Variants in MARK4 observed in about 807,000 individuals in gnomAD.
The protein encoded by MARK4 is microtubule affinity regulating kinase 4.
MARK4 carries 19 observed loss-of-function variants against 81.5 expected under a neutral mutation model. The observed-to-expected ratio is 0.23, with a 90% CI of 0.16 to 0.34. MARK4 has a LOEUF of 0.34. MARK4 is among the 10% of genes least tolerant of loss of function. The pLI is 1.00. For synonymous variants in MARK4, 436 were observed against 439.0 expected, an observed-to-expected ratio of 0.99 and a Z score of 0.08; for missense variants, 772 against 1,058.8, an observed-to-expected ratio of 0.73 and a Z score of 3.76.
intron 7 of MARK4, among the ~76,000 whole-genome samples, chr19:45,269,294 G>A (rs556279442): frequency 2.0e-5 from 3 of 152,208 alleles, no homozygotes; most frequent in African/African-American, 7.2e-5. Context: ...CTGGAGAATC[G>A]CTTGAACCCA....
rs778910750 is a variant in MARK4 at position 45,271,995 on chromosome 19, T to C, written c.786+287T>C. Among the ~76,000 whole-genome samples the C allele has an allele frequency of 1.1e-4, 17 of 152,192 alleles. No homozygotes were observed. Among genetic ancestry groups the C allele is most frequent in the Non-Finnish European group, 1.9e-4 (13 of 68,042 alleles). ...TATGGCCCACTTCTCTGTGTCAGGC[T>C]CTGTTTTGGGCTTTGCATGTAAGGC... On this transcript the variant is annotated intron_variant, in intron 8 of 16. Transcript: ENST00000262891. The surrounding 1 kb of genome is among the most constrained non-coding windows in gnomAD (Gnocchi z 4.1).
rs769036242 is a variant in MARK4 at position 45,280,584 on chromosome 19, G to A, written c.1126G>A (p.Asp376Asn). ...LLGRKTEEGG[D>N]RGAPGLALAR... ...TGTCATCCTCTCGCAGGAGGGTGGG[G>A]ACCGGGGCGCCCCAGGGCTGGCCCT... Residue 376 changes from aspartate (D) to asparagine (N), a missense_variant, in exon 12 of 17, where the codon GAC becomes AAC. Asp to Asn is a conservative substitution (Grantham distance 23). Around this residue, in one of 3 missense-constraint regions of MARK4, gnomAD observed 548 missense variants for 624.3 expected, o/e 0.88. Coordinates refer to ENST00000262891, the MANE Select transcript of MARK4 (RefSeq NM_001199867.2). 4.3e-6 allele frequency: 7 copies of A among 1,613,654 alleles called. No homozygotes were observed. The African/African-American group carries it at 9.3e-5, about 22-fold the overall frequency.
intron 4 of MARK4, among the ~76,000 whole-genome samples, chr19:45,263,601 G>C (rs950234794): frequency 2.0e-5 from 3 of 152,062 alleles, no homozygotes; most frequent in African/African-American, 7.2e-5. Context: ...AATTAGCAGG[G>C]CATGGTGGCG....
chr19:45,265,855 G>A (rs1368263422), intron 6 of MARK4, among the ~76,000 whole-genome samples: 1 of 151,958 alleles, frequency 6.6e-6, no homozygotes, highest in African/African-American at 2.4e-5. Flanking sequence ...ATGTGCAGGT[G>A]TGAGGGTGTT....
Position 45,294,340 on chromosome 19 carries a change from C to G in MARK4, c.1495-9C>G. On this transcript the variant is annotated splice_polypyrimidine_tract_variant and intron_variant, in intron 13 of 16. Coordinates refer to ENST00000262891, the MANE Select transcript of MARK4 (RefSeq NM_001199867.2). ...CCCCTCACTCCCTTCCTGGCTGTGT[C>G]TCCTGCAGAACAACCTCCCTCCTAG... The G allele has an allele frequency of 3.7e-6, 6 of 1,613,732 alleles. No homozygotes were observed. Among genetic ancestry groups the G allele is most frequent in the Non-Finnish European group, 5.1e-6 (6 of 1,179,718 alleles).
At chr19:45,283,689 G>A (rs1970706965) in intron 12 of MARK4, among the ~76,000 whole-genome samples, 1 of 152,168 alleles carries the variant, frequency 6.6e-6, no homozygotes, top group African/African-American at 2.4e-5. Context: ...TGAACACGTG[G>A]ATTGCCTCCA....
At chr19:45,278,135 A>G in intron 9 of MARK4, 93 bp downstream of exon 9, 1 of 1,541,620 alleles carries the variant, frequency 6.5e-7, no homozygotes, top group Non-Finnish European at 8.8e-7. Context: ...TTCTTGACAC[A>G]CTTTTCCTCT....
chr19:45,283,409 CAAAAAAAAAAAAA>C (rs869039919), intron 12 of MARK4, among the ~76,000 whole-genome samples: 79 of 86,412 alleles, frequency 9.1e-4, no homozygotes, highest in African/African-American at 2.7e-3. Context: ...GACTTCCTCT[CAAAAAAAAAAAAA>C]AAAAAAAAAA....
At chr19:45,272,524 G>A (rs55800009) in intron 8 of MARK4, among the ~76,000 whole-genome samples, 3,395 of 152,228 alleles carry the variant, frequency 0.022, 56 homozygotes, top group Non-Finnish European at 0.035. Context: ...AGGCTGGGGG[G>A]GAGGAGCAAG....
chr19:45,287,897 C>T (rs1421652962), intron 13 of MARK4: 1 of 594,844 alleles, frequency 1.7e-6, no homozygotes, highest in Non-Finnish European at 3.0e-6. Flanking sequence ...AAGTGCAGAA[C>T]GTACTCTTGG....
chr19:45,263,105 C>A lies in MARK4; in HGVS notation c.253-8C>A. ...TTGACCGTCCCTCCTCCTTTCCTCC[C>A]CCTCTAGGTTGCCATCAAGATTATC... is the stretch of plus-strand genomic sequence containing the variant. On this transcript the variant is annotated splice_polypyrimidine_tract_variant and splice_region_variant and intron_variant, in intron 2 of 16. Coordinates refer to ENST00000262891, the MANE Select transcript of MARK4 (RefSeq NM_001199867.2). 6.2e-7 allele frequency: 1 copy of A among 1,602,298 alleles called. No homozygotes were observed. Among genetic ancestry groups the A allele is most frequent in the East Asian group, 2.2e-5 (1 of 44,446 alleles).
Position 45,264,760 on chromosome 19 carries a change from C to T in MARK4, c.421+11C>T. The T allele has an allele frequency of 1.9e-6, 3 of 1,614,042 alleles. No homozygotes were observed. The highest frequency in any genetic ancestry group is 1.1e-5 in the South Asian group (1 of 91,080). The stretch of plus-strand genomic sequence containing the variant: ...AGTACGCAAGTGCTGGTGAGCCGCC[C>T]ACCCTCTCCGCCCTGCCCCTGTGCC... On this transcript the variant is annotated intron_variant, in intron 5 of 16. Coordinates refer to ENST00000262891, the MANE Select transcript of MARK4 (RefSeq NM_001199867.2).
intron 1 of MARK4, among the ~76,000 whole-genome samples, chr19:45,257,471 C>A (rs1024714212): frequency 3.4e-5 from 5 of 149,182 alleles, no homozygotes; most frequent in Non-Finnish European, 7.4e-5. Flanking sequence ...GCAACCTCTG[C>A]CTCCCTGGTT....
chr19:45,271,770 C>T lies in MARK4; in HGVS notation c.786+62C>T, dbSNP rs533018098. Reference sequence around the variant, plus strand: ...TCCCCACAGTCAGGCCCCTATCCCCCCCACACCTCCCCTGCAGAGGGCCTC... The same window carrying T: ...TCCCCACAGTCAGGCCCCTATCCCCTCCACACCTCCCCTGCAGAGGGCCTC... On this transcript the variant is annotated intron_variant, in intron 8 of 16. Coordinates refer to ENST00000262891, the MANE Select transcript of MARK4 (RefSeq NM_001199867.2). This position sits in a 1 kb window ranked among gnomAD's most constrained non-coding sequence, Gnocchi z 4.1. 1.7e-4 allele frequency: 240 copies of T among 1,449,888 alleles called. No individual in the cohort carries two copies. The highest frequency in any genetic ancestry group is 4.0e-4 in the Admixed American group (21 of 52,648). 89.8% of individuals were successfully genotyped at this position (1,449,888 alleles called of 1,614,324 possible). A position where few individuals can be genotyped will look rare whatever the true frequency, so the allele number is the denominator to read the frequency against.
intron 4 of MARK4, among the ~76,000 whole-genome samples, chr19:45,264,307 G>T (rs1970421036): frequency 6.6e-6 from 1 of 151,992 alleles, no homozygotes; most frequent in African/African-American, 2.4e-5. Flanking sequence ...TTGGAGATCA[G>T]CATGACCAAC....
Position 45,304,182 on chromosome 19 carries a change from G to A in MARK4, c.*1472G>A, listed in dbSNP as rs1971018570. The A allele has an allele frequency of 1.3e-5, 2 of 152,176 alleles. No homozygotes were observed. The highest frequency in any genetic ancestry group is 1.3e-4 in the Admixed American group (2 of 15,268). The allele number at this position is 152,176 out of a possible 1,614,324, so 9.4% of individuals were successfully genotyped here. A position where few individuals can be genotyped will look rare whatever the true frequency, so the allele number is the denominator to read the frequency against. On this transcript the variant is annotated 3_prime_UTR_variant, in exon 17 of 17. Coordinates refer to ENST00000262891, the MANE Select transcript of MARK4 (RefSeq NM_001199867.2). Reference sequence around the variant, plus strand: ...TTCTAGTAATTTTTATCAAGTAAGGGCTCCTTTCCTGGTGGCACAGATGAC... The same window carrying A: ...TTCTAGTAATTTTTATCAAGTAAGGACTCCTTTCCTGGTGGCACAGATGAC...
At chr19:45,266,410 C>A in intron 7 of MARK4, 129 bp downstream of exon 7, 2 of 846,732 alleles carry the variant, frequency 2.4e-6, no homozygotes, top group Non-Finnish European at 3.9e-6. Flanking sequence ...CCTGCTCTTC[C>A]CTCCACACCC....
At chr19:45,272,032 A>G (rs75565906) in intron 8 of MARK4, among the ~76,000 whole-genome samples, 2,484 of 148,922 alleles carry the variant, frequency 0.017, 73 homozygotes, top group African/African-American at 0.056. Context: ...AGAACAAGAG[A>G]GGCAAAAACT....
chr19:45,287,691 G>C, intron 13 of MARK4, 27 bp downstream of exon 13: 1 of 1,593,122 alleles, frequency 6.3e-7, no homozygotes, highest in Non-Finnish European at 8.5e-7. Flanking sequence ...GGGGGGCAGG[G>C]CTGGGGGCGC....
Sources: allele counts gnomAD v4.1 joint callset (sites outside exome capture counted in the v4.1 genomes callset), GRCh38; gene constraint gnomAD v4.1.1; regional missense constraint gnomAD v4.1.1; non-coding constraint Gnocchi (gnomAD v3.1); transcripts MANE v1.5; gene names NCBI Gene and HGNC (gene_info 2026-07-23, HGNC 2026-07-21).